NAP1L1: variants seen among roughly 807,000 people sequenced by gnomAD.
NAP1L1 encodes the protein nucleosome assembly protein 1 like 1.
In NAP1L1, 9 loss-of-function variants were observed where a neutral mutation model predicts 58.9. The ratio of observed to expected loss-of-function variants is 0.15; its 90% CI spans 0.09 to 0.27. The LOEUF is 0.27. Ranked by LOEUF, NAP1L1 falls within the 10% of genes least tolerant of loss-of-function variation. NAP1L1 has a pLI of 1.00. For synonymous variants in NAP1L1, 130 were observed against 138.3 expected (o/e 0.94, Z 0.42); for missense variants, 302 against 458.8 (o/e 0.66, Z 3.12).
At chr12:76,051,702 T>A (rs1948838457) in intron 11 of NAP1L1, among the ~76,000 whole-genome samples, 1 of 152,176 alleles carries the variant, frequency 6.6e-6, no homozygotes, top group Non-Finnish European at 1.5e-5. Context: ...AGGGCAAAAG[T>A]GGGTCTGACA....
rs1425865991 is a variant in NAP1L1 at position 76,038,612 on chromosome 12, G to GT, written c.*9816dup. The GT allele has an allele frequency of 1.3e-5, 2 of 152,182 alleles. No homozygotes were observed. The highest frequency in any genetic ancestry group is 2.9e-5 in the Non-Finnish European group (2 of 68,042). 9.4% of individuals were successfully genotyped at this position (152,182 alleles called of 1,614,324 possible). On this transcript the variant is annotated 3_prime_UTR_variant, in exon 15 of 15. Coordinates refer to ENST00000618691, the MANE Select transcript of NAP1L1 (RefSeq NM_004537.7). The stretch of plus-strand genomic sequence containing the variant: ...AAGAACAACTCAGGCTTCAGAGAGG[G>GT]TAAGTTTCATTACAGACAAGGTAAT...
At chr12:76,053,488 G>GA in intron 9 of NAP1L1, 138 bp from the exon 10 acceptor site, 1 of 1,017,344 alleles carries the variant, frequency 9.8e-7, no homozygotes, top group Non-Finnish European at 1.4e-6. Context: ...AGTATAAAGG[G>GA]AAAAATTTTA....
At chr12:76,051,044 T>C (rs907084463) in intron 11 of NAP1L1, among the ~76,000 whole-genome samples, 1 of 151,290 alleles carries the variant, frequency 6.6e-6, no homozygotes, top group African/African-American at 2.4e-5. Flanking sequence ...GTTTAAATTA[T>C]ATGATGAAGG....
At chr12:76,059,666 G>T in intron 6 of NAP1L1, 132 bp downstream of exon 6, 1 of 645,046 alleles carries the variant, frequency 1.6e-6, no homozygotes, top group Non-Finnish European at 2.6e-6. Context: ...GTGTAATAAA[G>T]ACGTAAAATT....
intron 1 of NAP1L1, among the ~76,000 whole-genome samples, chr12:76,082,499 G>A (rs753697642): frequency 2.4e-4 from 37 of 152,128 alleles, no homozygotes; most frequent in Non-Finnish European, 5.9e-5. Context: ...TATTCAAATT[G>A]GTATAGTGAA....
chr12:76,047,956 A>ATT lies in NAP1L1; in HGVS notation c.*471_*472dup. ...TCTTAACCATATAGTTGTCTTGCCA[A>ATT]TTTTTTTTTTAAACAATAAATTGTC... is the stretch of plus-strand genomic sequence containing the variant. On this transcript the variant is annotated 3_prime_UTR_variant, in exon 15 of 15. Transcript: ENST00000618691. The ATT allele has an allele frequency of 6.5e-6, 1 of 152,700 alleles. No homozygotes were observed. The highest frequency in any genetic ancestry group is 1.5e-5 in the Non-Finnish European group (1 of 68,854). 9.5% of individuals were successfully genotyped at this position (152,700 alleles called of 1,614,324 possible). A position where few individuals can be genotyped will look rare whatever the true frequency, so the allele number is the denominator to read the frequency against.
chr12:76,050,652 T>C lies in NAP1L1; in HGVS notation c.938A>G (p.Asp313Gly), dbSNP rs1158338893. 6.3e-7 allele frequency: 1 copy of C among 1,594,652 alleles called. No individual in the cohort carries two copies. Among genetic ancestry groups the C allele is most frequent in the African/African-American group, 1.4e-5 (1 of 73,456 alleles). Residue 313 changes from aspartate to glycine, a missense_variant and splice_region_variant, in exon 12 of 15, where the codon GAT becomes GGT. By Grantham distance (94) the Asp-to-Gly change is moderately conservative. Transcript: ENST00000618691. ...AGCAAGGATAGCTTCAGCATCATCA[T>C]CCTATTTTTAAAGGAAAACAAAAGC... ...PPEVPESGDLDDDAEAILAAD... is the reference protein window; with the variant it reads ...PPEVPESGDLGDDAEAILAAD...
intron 11 of NAP1L1, among the ~76,000 whole-genome samples, chr12:76,052,060 T>C (rs1244444758): frequency 1.3e-5 from 2 of 151,898 alleles, no homozygotes; most frequent in Non-Finnish European, 2.9e-5. Flanking sequence ...ACTTCTATGA[T>C]ACTAAACAAT....
chr12:76,067,487 AG>A lies in NAP1L1; in HGVS notation c.104-15del, dbSNP rs397839983. 27 of 1,554,838 alleles carry A rather than the reference AG, an allele frequency of 1.7e-5. No homozygotes were observed. Among genetic ancestry groups the A allele is most frequent in the South Asian group, 1.1e-5 (1 of 87,876 alleles). ...TTAGCTGACGTGCTTTAAAAAAAAA[AG>A]GGCATCGAAAGAAGGATTTTATGAA... On this transcript the variant is annotated splice_polypyrimidine_tract_variant and intron_variant, in intron 3 of 14. Transcript: ENST00000618691.
intron 9 of NAP1L1, 69 bp downstream of exon 9, chr12:76,053,701 C>T (rs1185674890): frequency 6.5e-7 from 1 of 1,528,440 alleles, no homozygotes; most frequent in Non-Finnish European, 8.9e-7. Flanking sequence ...CTGAAAATAA[C>T]CGAGTATACA....
chr12:76,066,097 AAAATAAATAAATAAAT>A (rs763030439), intron 4 of NAP1L1, among the ~76,000 whole-genome samples: 56 of 140,146 alleles, frequency 4.0e-4, no homozygotes, highest in African/African-American at 1.2e-3. Context: ...AGGAGGACCC[AAAATAAATAAATAAAT>A]AAATAAATAA....
intron 12 of NAP1L1, among the ~76,000 whole-genome samples, 170 bp from the exon 13 acceptor site, chr12:76,049,955 C>T (rs961294106): frequency 6.6e-6 from 1 of 152,122 alleles, no homozygotes; most frequent in African/African-American, 2.4e-5. Context: ...AATCACTCTG[C>T]TCACTGCCAA....
chr12:76,083,254 TA>T (rs928444808), intron 1 of NAP1L1, among the ~76,000 whole-genome samples: 1 of 152,076 alleles, frequency 6.6e-6, no homozygotes, highest in African/African-American at 2.4e-5. Context: ...CCTCCCATCT[TA>T]AAAAGGAAAC....
In NAP1L1 at chr12:76,042,123, T is replaced by C; in HGVS notation, c.*6306A>G. 1 of 152,200 alleles carries C rather than the reference T, an allele frequency of 6.6e-6. No homozygotes were observed. The highest frequency in any genetic ancestry group is 2.4e-5 in the African/African-American group (1 of 41,442). The allele number at this position is 152,200 out of a possible 1,614,324, so 9.4% of individuals were successfully genotyped here. A position where few individuals can be genotyped will look rare whatever the true frequency, so the allele number is the denominator to read the frequency against. ...TATGTTTAATTTTATTATCCAGTCT[T>C]AGTCTCAGTGTTCTTATGTACACTG... On this transcript the variant is annotated 3_prime_UTR_variant, in exon 15 of 15. Coordinates refer to ENST00000618691, the MANE Select transcript of NAP1L1 (RefSeq NM_004537.7).
chr12:76,061,503 T>G (rs549350764), intron 4 of NAP1L1, among the ~76,000 whole-genome samples: 1 of 152,372 alleles, frequency 6.6e-6, no homozygotes, highest in East Asian at 1.9e-4. Context: ...GTATACATTT[T>G]CTGTATCAGA....
At chr12:76,074,264 A>G in intron 1 of NAP1L1, 25 bp from the exon 2 acceptor site, 1 of 1,555,158 alleles carries the variant, frequency 6.4e-7, no homozygotes, top group Non-Finnish European at 8.6e-7. Context: ...ATCAATGTTA[A>G]AAAAAAAGTA....
intron 1 of NAP1L1, among the ~76,000 whole-genome samples, chr12:76,075,430 C>T (rs1423509195): frequency 6.6e-6 from 1 of 152,142 alleles, no homozygotes; most frequent in Non-Finnish European, 1.5e-5. Flanking sequence ...TGCCTATGAA[C>T]AAAGAGTTAA....
chr12:76,045,201 A>G lies in NAP1L1; in HGVS notation c.*3228T>C, dbSNP rs1057231047. 8.5e-5 allele frequency: 13 copies of G among 152,242 alleles called. No homozygotes were observed. The East Asian group carries it at 1.2e-3, about 14-fold the overall frequency. 9.4% of individuals were successfully genotyped at this position (152,242 alleles called of 1,614,324 possible). On this transcript the variant is annotated 3_prime_UTR_variant, in exon 15 of 15. Transcript: ENST00000618691. ...GAACTTACACTCTTCTGCACTACCA[A>G]TCTATTCTGTACATTTAAAATAACA...
At chr12:76,067,241 A>C (rs1381971834) in intron 4 of NAP1L1, 130 bp downstream of exon 4, 1 of 648,110 alleles carries the variant, frequency 1.5e-6, no homozygotes, top group Non-Finnish European at 2.6e-6. Context: ...ACTTCTAATA[A>C]TCCTATACTG....
Sources: allele counts gnomAD v4.1 joint callset (sites outside exome capture counted in the v4.1 genomes callset), GRCh38; gene constraint gnomAD v4.1.1; transcripts MANE v1.5; gene names NCBI Gene and HGNC (gene_info 2026-07-23, HGNC 2026-07-21).